The following CCDC187 variants were observed in gnomAD, a reference collection of about 807,000 sequenced individuals.
CCDC187 encodes coiled-coil domain containing 187.
CCDC187 carries 32 observed loss-of-function variants against 38.0 expected under a neutral mutation model. The ratio of observed to expected loss-of-function variants is 0.84; its 90% CI spans 0.64 to 1.13. The LOEUF (loss-of-function observed/expected upper bound fraction) is 1.13. Ranked by LOEUF, CCDC187 falls within the 50% of genes most tolerant of loss-of-function variation. CCDC187 has a pLI of 0.00. For missense variants in CCDC187, 707 were observed against 786.8 expected (o/e 0.90, Z 1.21); for synonymous variants, 333 against 347.9 (o/e 0.96, Z 0.48).
At chr9:136,289,197 G>A (rs1164130667) in intron 7 of CCDC187, among the ~76,000 whole-genome samples, 1 of 152,170 alleles carries the variant, frequency 6.6e-6, no homozygotes, top group Non-Finnish European at 1.5e-5. Context: ...CGTACTTGGT[G>A]ATCCCATTTA....
rs1830708069 is a variant in CCDC187 at position 136,263,747 on chromosome 9, T to G, written c.3787A>C (p.Lys1263Gln). 44 of 985,472 alleles carry G rather than the reference T, an allele frequency of 4.5e-5. No individual in the cohort carries two copies. Among genetic ancestry groups the G allele is most frequent in the Non-Finnish European group, 5.3e-5 (44 of 829,940 alleles). The allele number at this position is 985,472 out of a possible 1,614,324, so 61.0% of individuals were successfully genotyped here. A position where few individuals can be genotyped will look rare whatever the true frequency, so the allele number is the denominator to read the frequency against. ...HTQLFRHRDR[K>Q]LLLQHQRDVV... ...TCCCTCTGATGCTGCAGAAGCAGCT[T>G]CCTGTCCCGGTGCCTGAACAGCTGC... The change falls in exon 18 of 26, where the codon AAG becomes CAG. Residue 1263 changes from lysine to glutamine, a missense_variant. Coordinates refer to ENST00000638797, the MANE Select transcript of CCDC187 (RefSeq NM_001378188.1).
Position 136,260,108 on chromosome 9 carries a change from C to T in CCDC187, c.4210+11G>A. On this transcript the variant is annotated intron_variant, in intron 20 of 25. Coordinates refer to ENST00000638797, the MANE Select transcript of CCDC187 (RefSeq NM_001378188.1). Reference sequence around the variant, plus strand: ...GTCTGACCCTGGGCGGTCGCCGCGGCTGCTCATTACCTTGACTGACATGGC... The same window carrying T: ...GTCTGACCCTGGGCGGTCGCCGCGGTTGCTCATTACCTTGACTGACATGGC... 1 of 985,458 alleles carries T rather than the reference C, an allele frequency of 1.0e-6. No homozygotes were observed. Among genetic ancestry groups the T allele is most frequent in the Non-Finnish European group, 1.2e-6 (1 of 829,966 alleles). The allele number at this position is 985,458 out of a possible 1,614,324, so 61.0% of individuals were successfully genotyped here.
intron 19 of CCDC187, among the ~76,000 whole-genome samples, chr9:136,261,723 T>TC (rs2131139087): frequency 6.6e-6 from 1 of 152,194 alleles, no homozygotes; most frequent in Non-Finnish European, 1.5e-5. Flanking sequence ...CTCAGGACGC[T>TC]CCCCCAGGCA....
rs1287331584 is a variant in CCDC187 at position 136,258,087 on chromosome 9, A to T, written c.4366+845T>A. ...GGAGGCTTCAGGCTGAGCAAGCTTC[A>T]CGGTGGCCGCAGAAGCCTGAACAGC... On this transcript the variant is annotated intron_variant, in intron 22 of 25. Transcript: ENST00000638797. This position sits in a 1 kb window ranked among gnomAD's most constrained non-coding sequence, Gnocchi z 4.3. 6.6e-6 allele frequency among the ~76,000 whole-genome samples: 1 copy of T among 152,054 alleles called. No homozygotes were observed. The highest frequency in any genetic ancestry group is 2.4e-5 in the African/African-American group (1 of 41,392).
chr9:136,282,019 G>A (rs1480293059), intron 9 of CCDC187, among the ~76,000 whole-genome samples: 4 of 152,194 alleles, frequency 2.6e-5, no homozygotes, highest in Non-Finnish European at 2.9e-5. Context: ...GGACCCCAGG[G>A]GGAACAGGGG....
intron 4 of CCDC187, among the ~76,000 whole-genome samples, chr9:136,295,181 G>T (rs1053982936): frequency 6.6e-6 from 1 of 152,192 alleles, no homozygotes; most frequent in African/African-American, 2.4e-5. Flanking sequence ...GGGACCCAGC[G>T]TGGAGGGGAG....
chr9:136,278,224 C>T (rs1284642388), intron 10 of CCDC187, among the ~76,000 whole-genome samples: 1 of 152,206 alleles, frequency 6.6e-6, no homozygotes, highest in African/African-American at 2.4e-5. Flanking sequence ...AGAGAAGGGT[C>T]CCCAGCCCCA....
chr9:136,291,781 G>A (rs1443152372), intron 5 of CCDC187, 136 bp from the exon 6 acceptor site: 3 of 397,550 alleles, frequency 7.5e-6, no homozygotes, highest in African/African-American at 6.2e-5. Flanking sequence ...GAAGCCCTCT[G>A]AGGGTGGGCA....
Position 136,254,663 on chromosome 9 carries a change from G to A in CCDC187, c.5165C>T (p.Thr1722Met), listed in dbSNP as rs73560771. 0.024 allele frequency: 23,789 copies of A among 985,532 alleles called. 1,492 individuals are homozygous for A. Among genetic ancestry groups the A allele is most frequent in the East Asian group, 0.23 (2,028 of 8,814 alleles). 61.0% of individuals were successfully genotyped at this position (985,532 alleles called of 1,614,324 possible). Residue 1722 changes from threonine (T) to methionine (M), a missense_variant, in exon 26 of 26, where the codon ACG (threonine) becomes ATG (methionine). By Grantham distance (81) the Thr-to-Met change is moderately conservative. Transcript: ENST00000638797. ...CGGCGCTGAAACTTCTGCCATGGCC[G>A]TGTCCAAGGAGGAGCCACGCAGGGG... ...AGPLRGSSLD[T>M]AMAEVSAPEQ...
chr9:136,306,513 C>T (rs1404538249), upstream of CCDC187, among the ~76,000 whole-genome samples: 3 of 152,170 alleles, frequency 2.0e-5, no homozygotes, highest in Non-Finnish European at 4.4e-5. Flanking sequence ...CCCAGTGCAC[C>T]ACGCGCCGTG....
At chr9:136,292,057 C>T (rs1831344769) in intron 5 of CCDC187, 104 bp downstream of exon 5, 2 of 398,012 alleles carry the variant, frequency 5.0e-6, no homozygotes, top group Non-Finnish European at 8.8e-6. Flanking sequence ...GGCGCCAACA[C>T]CTCTTCCTTC....
At chr9:136,262,991 AGGGGCTGGCCTCCCT>A (rs1830697138) in intron 18 of CCDC187, among the ~76,000 whole-genome samples, 1 of 151,926 alleles carries the variant, frequency 6.6e-6, no homozygotes, top group African/African-American at 2.4e-5. Flanking sequence ...GGGGTCCCTG[AGGGGCTGGCCTCCCT>A]GAGGAGCTCC....
intron 3 of CCDC187, among the ~76,000 whole-genome samples, chr9:136,298,443 C>T (rs940103806): frequency 1.3e-5 from 2 of 152,296 alleles, no homozygotes; most frequent in African/African-American, 2.4e-5. Context: ...CGAGAGGGCC[C>T]GGCTCCAGAG....
At chr9:136,299,521 G>A (rs971688070) in intron 3 of CCDC187, among the ~76,000 whole-genome samples, 1 of 152,160 alleles carries the variant, frequency 6.6e-6, no homozygotes. Context: ...CTCTGGACTC[G>A]AGAGAGCCTC....
rs1172257184 is a variant in CCDC187 at position 136,251,653 on chromosome 9, C to G, written c.*1941G>C. ...TTCGCTGATCCCCATGACCCCCTTC[C>G]TGGCATAGGCGCTGCTCCGCCCCGT... On this transcript the variant is annotated 3_prime_UTR_variant, in exon 26 of 26. Coordinates refer to ENST00000638797, the MANE Select transcript of CCDC187 (RefSeq NM_001378188.1). 2 of 157,176 alleles carry G rather than the reference C, an allele frequency of 1.3e-5. No individual in the cohort carries two copies. Among genetic ancestry groups the G allele is most frequent in the Non-Finnish European group, 2.8e-5 (2 of 70,492 alleles). The allele number at this position is 157,176 out of a possible 1,614,324, so 9.7% of individuals were successfully genotyped here.
At chr9:136,261,653 C>A (rs1257811927) in intron 19 of CCDC187, among the ~76,000 whole-genome samples, 1 of 152,222 alleles carries the variant, frequency 6.6e-6, no homozygotes, top group East Asian at 1.9e-4. Context: ...AGCCAATGGC[C>A]GAGCCTGAGT....
chr9:136,281,490 C>T (rs1419573974), intron 10 of CCDC187, 61 bp downstream of exon 10: 77 of 398,646 alleles, frequency 1.9e-4, no homozygotes, highest in Non-Finnish European at 3.0e-4. Flanking sequence ...AAGGTGTTCT[C>T]GGTGGATGCC....
At chr9:136,305,424 T>G (rs1831784955), upstream of CCDC187, among the ~76,000 whole-genome samples, 1 of 152,084 alleles carries the variant, frequency 6.6e-6, no homozygotes, top group Admixed American at 6.5e-5. Context: ...CTACAGAGCC[T>G]CGCCCTGCCC....
intron 4 of CCDC187, among the ~76,000 whole-genome samples, chr9:136,297,496 C>T (rs1343165320): frequency 1.3e-5 from 2 of 152,162 alleles, no homozygotes; most frequent in African/African-American, 4.8e-5. Flanking sequence ...GAACCACCTG[C>T]TGCTCCAGTG....
Sources: gnomAD v4.1 joint callset for allele counts (sites outside exome capture counted in the v4.1 genomes callset) on GRCh38, gnomAD v4.1.1 for gene constraint, Gnocchi (gnomAD v3.1) non-coding constraint, MANE v1.5 for transcripts, NCBI Gene and HGNC (gene_info 2026-07-23, HGNC 2026-07-21) for gene names.